C8A: variants seen among roughly 807,000 people sequenced by gnomAD.
The protein encoded by C8A is complement component C8 alpha chain.
C8A carries 67 observed loss-of-function variants against 65.3 expected under a neutral mutation model. The observed-to-expected ratio is 1.03, with a 90% confidence interval of 0.84 to 1.26. C8A has a LOEUF of 1.26. C8A is among the 50% of genes most tolerant of loss of function. The pLI is 0.00. For missense variants in C8A, 781 were observed against 723.9 expected, an observed-to-expected ratio of 1.08 and a Z score of -0.90; for synonymous variants, 290 against 259.4, an observed-to-expected ratio of 1.12 and a Z score of -1.13.
At chr1:56,872,607 T>C (rs1012397235) in intron 2 of C8A, among the ~76,000 whole-genome samples, 4 of 152,146 alleles carry the variant, frequency 2.6e-5, no homozygotes. Context: ...CTCTAAGCTA[T>C]ATTTTAAAGG....
intron 1 of C8A, among the ~76,000 whole-genome samples, chr1:56,864,681 A>G (rs1315869604): frequency 3.3e-5 from 5 of 152,190 alleles, no homozygotes; most frequent in African/African-American, 9.6e-5. Context: ...GTCTCCCAGC[A>G]TGATGACAGG....
intron 6 of C8A, among the ~76,000 whole-genome samples, chr1:56,885,358 G>T (rs11206931): frequency 0.8 from 92,272 of 115,968 alleles, 35,724 homozygotes; most frequent in African/African-American, 0.83. Context: ...ATATATTTAT[G>T]TAAATATATA....
chr1:56,860,570 T>C (rs557766941), intron 1 of C8A, among the ~76,000 whole-genome samples: 1 of 152,284 alleles, frequency 6.6e-6, no homozygotes, highest in South Asian at 2.1e-4. Flanking sequence ...AAGAAGGTCT[T>C]GGCCCACAGG....
chr1:56,863,959 A>G lies in C8A; in HGVS notation c.78-3650A>G, dbSNP rs575507623. Among the ~76,000 whole-genome samples the G allele has an allele frequency of 9.7e-4, 135 of 138,734 alleles. 3 individuals carry two copies. The South Asian group carries it at 0.028, about 29-fold the overall frequency. The allele number at this position is 138,734 out of a possible 152,430, so 91.0% of individuals were successfully genotyped here. On this transcript the variant is annotated intron_variant, in intron 1 of 10. Coordinates refer to ENST00000361249, the MANE Select transcript of C8A (RefSeq NM_000562.3). ...CCCTTCCTTTTTTCCTTTTGTAAAT[A>G]TTTACTGAGCACTTTCCATGGGTCT...
intron 10 of C8A, 37 bp from the exon 11 acceptor site, chr1:56,917,528 T>G: frequency 1.2e-6 from 2 of 1,613,056 alleles, no homozygotes; most frequent in Non-Finnish European, 1.7e-6. Flanking sequence ...CTTAGCCATA[T>G]GCTAACCTTC....
Position 56,906,692 on chromosome 1 carries a change from A to C in C8A, c.1122A>C (p.Thr374=). The C allele has an allele frequency of 6.2e-7, 1 of 1,614,072 alleles. No homozygotes were observed. The highest frequency in any genetic ancestry group is 1.3e-5 in the African/African-American group (1 of 75,016). ...SLGITSRDIT[T]CFGGSLGIQY... is the part of the protein sequence containing the mutation. ...GTATTACCAGCAGAGATATCACGAC[A>C]TGTTTTGGAGGCTCCTTGGGCATTC... is the stretch of plus-strand genomic sequence containing the variant. Residue 374 remains threonine, a synonymous_variant, in exon 8 of 11, where the codon ACA becomes ACC. Transcript: ENST00000361249.
intron 2 of C8A, among the ~76,000 whole-genome samples, chr1:56,871,616 G>A (rs917948861): frequency 6.6e-6 from 1 of 152,198 alleles, no homozygotes; most frequent in Non-Finnish European, 1.5e-5. Flanking sequence ...AGGTGGCAGA[G>A]CTGGAATTCT....
At position 56,901,318 on chromosome 1, in the gene C8A, G is replaced by A. The variant is rs116593678; in HGVS notation, c.1097-5349G>A. Among the ~76,000 whole-genome samples, 1,356 of 152,258 alleles carry A rather than the reference G, an allele frequency of 8.9e-3. 52 individuals carry two copies. The South Asian group carries it at 0.12, about 13-fold the overall frequency. On this transcript the variant is annotated intron_variant, in intron 7 of 10. Coordinates refer to ENST00000361249, the MANE Select transcript of C8A (RefSeq NM_000562.3). ...TGCAAAGAGATAATGAACTACACCT[G>A]CTGTTTTCCACCTAATGCTTTTAAT...
chr1:56,897,935 A>AC (rs565331226), intron 7 of C8A, among the ~76,000 whole-genome samples: 44 of 152,318 alleles, frequency 2.9e-4, no homozygotes, highest in Admixed American at 2.6e-3. Context: ...ACATAATGTG[A>AC]TAAATGTTTA....
At chr1:56,901,572 A>G (rs1272123962) in intron 7 of C8A, among the ~76,000 whole-genome samples, 1 of 152,176 alleles carries the variant, frequency 6.6e-6, no homozygotes, top group Non-Finnish European at 1.5e-5. Flanking sequence ...CCTTGAGACC[A>G]GACTAGACTG....
intron 10 of C8A, among the ~76,000 whole-genome samples, 150 bp from the exon 11 acceptor site, chr1:56,917,411 TGTAC>T (rs1236499272): frequency 6.6e-6 from 1 of 152,222 alleles, no homozygotes; most frequent in Non-Finnish European, 1.5e-5. Context: ...GTACCTTATC[TGTAC>T]GTACCTCCAA....
At chr1:56,898,630 T>C (rs1408481553) in intron 7 of C8A, among the ~76,000 whole-genome samples, 2 of 152,162 alleles carry the variant, frequency 1.3e-5, no homozygotes, top group East Asian at 3.9e-4. Context: ...GTTGGAAGCC[T>C]GTTTTAGGTG....
chr1:56,904,877 T>A (rs1312202277), intron 7 of C8A, among the ~76,000 whole-genome samples: 4 of 152,158 alleles, frequency 2.6e-5, no homozygotes, highest in African/African-American at 9.7e-5. Flanking sequence ...CAGCATCACG[T>A]GGCAGGCTGT....
chr1:56,899,670 C>T (rs1348657416), intron 7 of C8A, among the ~76,000 whole-genome samples: 1 of 152,170 alleles, frequency 6.6e-6, no homozygotes, highest in Non-Finnish European at 1.5e-5. Flanking sequence ...CAGCCTCCCT[C>T]TTTTTCTAAC....
chr1:56,885,299 T>TATATATATTTACATAA (rs1461197088), intron 6 of C8A, among the ~76,000 whole-genome samples: 1 of 110,060 alleles, frequency 9.1e-6, no homozygotes, highest in Non-Finnish European at 1.7e-5. Context: ...AATATATATT[T>TATATATATTTACATAA]ATATATATTT....
chr1:56,861,526 TC>T (rs1644033436), intron 1 of C8A, among the ~76,000 whole-genome samples: 1 of 151,910 alleles, frequency 6.6e-6, no homozygotes, highest in African/African-American at 2.4e-5. Flanking sequence ...CCCAAACACC[TC>T]CCACCAGGCC....
In C8A at chr1:56,907,231, G is replaced by T. The variant is rs191214848; in HGVS notation, c.1222+439G>T. 2.9e-3 allele frequency among the ~76,000 whole-genome samples: 448 copies of T among 152,328 alleles called. 4 individuals carry two copies. Among genetic ancestry groups the T allele is most frequent in the Admixed American group, 4.2e-3 (65 of 15,300 alleles). On this transcript the variant is annotated intron_variant, in intron 8 of 10. Coordinates refer to ENST00000361249, the MANE Select transcript of C8A (RefSeq NM_000562.3). ...TTTATGGCATTTCCTGAACAAGTCA[G>T]TTGGGGTGTTCATGTGTTCATTTAC...
Position 56,917,892 on chromosome 1 carries a change from T to C in C8A, c.*176T>C, listed in dbSNP as rs1644566923. 2 of 674,838 alleles carry C rather than the reference T, an allele frequency of 3.0e-6. No individual in the cohort carries two copies. The highest frequency in any genetic ancestry group is 4.2e-4 in the Middle Eastern group (1 of 2,364). The allele number at this position is 674,838 out of a possible 1,614,324, so 41.8% of individuals were successfully genotyped here. ...TGTCTACAGCCAACTATTCTATTAG[T>C]TACAAAACTCAATCATTTTATTCAG... On this transcript the variant is annotated 3_prime_UTR_variant, in exon 11 of 11. Coordinates refer to ENST00000361249, the MANE Select transcript of C8A (RefSeq NM_000562.3).
intron 2 of C8A, among the ~76,000 whole-genome samples, chr1:56,869,499 T>C (rs1319698735): frequency 6.6e-6 from 1 of 152,234 alleles, no homozygotes; most frequent in East Asian, 1.9e-4. Flanking sequence ...GTCTCTTTTG[T>C]ATATAATGAC....
Sources: gnomAD v4.1 joint callset for allele counts (sites outside exome capture counted in the v4.1 genomes callset) on GRCh38, gnomAD v4.1.1 for gene constraint, MANE v1.5 for transcripts, NCBI Gene and HGNC (gene_info 2026-07-23, HGNC 2026-07-21) for gene names.